OCA2: variants seen among roughly 807,000 people sequenced by gnomAD.
OCA2 encodes OCA2 melanosomal transmembrane protein.
Under a neutral mutation model 100.2 loss-of-function variants are expected in OCA2, and 77 were observed. That is an observed-to-expected ratio of 0.77 (90% CI 0.64 to 0.93). OCA2 has a LOEUF of 0.93. Ranked by LOEUF, OCA2 falls within the 40% of genes least tolerant of loss-of-function variation. The pLI is 0.00. For synonymous variants in OCA2, 432 were observed against 439.2 expected (o/e 0.98, Z 0.21); for missense variants, 1,062 against 1,089.1 (o/e 0.98, Z 0.35).
chr15:28,076,308 T>C (rs1454124003), intron 2 of OCA2, among the ~76,000 whole-genome samples: 1 of 152,248 alleles, frequency 6.6e-6, no homozygotes, highest in Non-Finnish European at 1.5e-5. Context: ...CCATGACAGA[T>C]GTAAACGCTG....
At chr15:27,918,443 T>C (rs1011242483) in intron 19 of OCA2, among the ~76,000 whole-genome samples, 2 of 152,164 alleles carry the variant, frequency 1.3e-5, no homozygotes, top group Non-Finnish European at 2.9e-5. Flanking sequence ...AATAAAAACA[T>C]GAAGGTTGGA....
chr15:27,823,172 G>GT (rs1260460318), intron 23 of OCA2, among the ~76,000 whole-genome samples: 2 of 152,210 alleles, frequency 1.3e-5, no homozygotes, highest in African/African-American at 4.8e-5. Context: ...ATACGTTTGA[G>GT]CCTGTTTCTG....
chr15:28,031,653 T>C (rs886372174), intron 3 of OCA2, among the ~76,000 whole-genome samples: 2 of 152,222 alleles, frequency 1.3e-5, no homozygotes, highest in Admixed American at 1.3e-4. Context: ...TTCTTTGTGG[T>C]GGGGGCTGTC....
intron 3 of OCA2, among the ~76,000 whole-genome samples, chr15:28,031,086 T>G (rs1475062330): frequency 6.6e-6 from 1 of 152,116 alleles, no homozygotes; most frequent in African/African-American, 2.4e-5. Flanking sequence ...TCTTTTAAAT[T>G]GGGGGAGGGG....
chr15:27,875,891 A>G (rs1389780737), intron 19 of OCA2, among the ~76,000 whole-genome samples: 1 of 152,068 alleles, frequency 6.6e-6, no homozygotes, highest in Non-Finnish European at 1.5e-5. Flanking sequence ...AAATTTATAT[A>G]TTAGTGCTGG....
intron 2 of OCA2, among the ~76,000 whole-genome samples, chr15:28,058,476 C>T (rs16950843): frequency 0.06 from 9,077 of 152,218 alleles, 886 homozygotes; most frequent in African/African-American, 0.21. Flanking sequence ...GCCCAGGGCA[C>T]GCTGGCCACC....
rs80219035 is a variant in OCA2, at chr15:27,843,437, C to T, written c.2432+1522G>A. Among the ~76,000 whole-genome samples the T allele has an allele frequency of 5.4e-4, 83 of 152,336 alleles. No individual in the cohort carries two copies. In the East Asian group the frequency reaches 0.015, roughly 28 times the overall value. ...GTGGTAGGCCACCCTGCAAAGGCCA[C>T]TGCTATATTTGCTGTAATCAATGCT... On this transcript the variant is annotated intron_variant, in intron 23 of 23. Transcript: ENST00000354638.
rs189826974 is a variant in OCA2, at chr15:27,816,122, A to G, written c.2432+28837T>C. ...GCACTCCAGCCTGGGCAACAAGAGC[A>G]CAACTCCATCTCAAAAAACAAAAAC... is the stretch of plus-strand genomic sequence containing the variant. On this transcript the variant is annotated intron_variant, in intron 23 of 23. Coordinates refer to ENST00000354638, the MANE Select transcript of OCA2 (RefSeq NM_000275.3). Among the ~76,000 whole-genome samples the G allele has an allele frequency of 2.4e-3, 365 of 152,350 alleles. 3 individuals are homozygous for G. The highest frequency in any genetic ancestry group is 8.6e-3 in the African/African-American group (358 of 41,582).
At chr15:27,954,121 A>ACC (rs1443356347) in intron 17 of OCA2, among the ~76,000 whole-genome samples, 1 of 24,088 alleles carries the variant, frequency 4.2e-5, no homozygotes, top group African/African-American at 7.0e-5. Flanking sequence ...TGGCATACAC[A>ACC]CACACACACA....
Position 27,824,602 on chromosome 15 carries a change from C to CTCTCTCTCTCTCTCTCTCTCTCTATA in OCA2, c.2432+20356_2432+20357insTATAGAGAGAGAGAGAGAGAGAGAGA. Among the ~76,000 whole-genome samples, 184 of 47,552 alleles carry CTCTCTCTCTCTCTCTCTCTCTCTATA rather than the reference C, an allele frequency of 3.9e-3. 2 individuals are homozygous for CTCTCTCTCTCTCTCTCTCTCTCTATA. Among genetic ancestry groups the CTCTCTCTCTCTCTCTCTCTCTCTATA allele is most frequent in the East Asian group, 0.037 (2 of 54 alleles). The allele number at this position is 47,552 out of a possible 152,430, so 31.2% of individuals were successfully genotyped here. A position where few individuals can be genotyped will look rare whatever the true frequency, so the allele number is the denominator to read the frequency against. The stretch of plus-strand genomic sequence containing the variant: ...TTTCTCTCTCTCTCTCTCTCTCTCT[C>CTCTCTCTCTCTCTCTCTCTCTCTATA]TATATATATATATATATATAATATA... On this transcript the variant is annotated intron_variant, in intron 23 of 23. Transcript: ENST00000354638.
chr15:27,747,388 G>A, the OCA2 span, among the ~76,000 whole-genome samples: 17 of 152,218 alleles, frequency 1.1e-4, no homozygotes, highest in Non-Finnish European at 1.5e-4. Context: ...GTAAGAAGCC[G>A]CTGAAAATTG....
At position 27,823,784 on chromosome 15, in the gene OCA2, T is replaced by C. The variant is rs558464037; in HGVS notation, c.2432+21175A>G. ...TTTGAAACTTTCAATAAATTAGTCA[T>C]GTAGCTGCAACAATAAAAATAAAAT... On this transcript the variant is annotated intron_variant, in intron 23 of 23. Transcript: ENST00000354638. 4.6e-5 allele frequency among the ~76,000 whole-genome samples: 7 copies of C among 152,332 alleles called. No homozygotes were observed. The South Asian group carries it at 1.5e-3, about 32-fold the overall frequency.
At chr15:27,824,602 C>CTCTCTCTCTCACTATATATATATA in intron 23 of OCA2, among the ~76,000 whole-genome samples, 1 of 47,610 alleles carries the variant, frequency 2.1e-5, no homozygotes, top group Non-Finnish European at 3.1e-5. Flanking sequence ...CTCTCTCTCT[C>CTCTCTCTCTCACTATATATATATA]TATATATATA....
chr15:27,745,587 C>A, the OCA2 span, among the ~76,000 whole-genome samples: 3 of 152,172 alleles, frequency 2.0e-5, no homozygotes, highest in Admixed American at 2.0e-4. Flanking sequence ...TTGAACACGT[C>A]TGACACTTTG....
At chr15:27,913,314 T>C (rs920513226) in intron 19 of OCA2, among the ~76,000 whole-genome samples, 1 of 151,870 alleles carries the variant, frequency 6.6e-6, no homozygotes, top group Admixed American at 6.6e-5. Context: ...ACGATATTTA[T>C]GTAAGCCCAA....
intron 19 of OCA2, among the ~76,000 whole-genome samples, chr15:27,877,592 A>G (rs1308278234): frequency 6.6e-6 from 1 of 151,942 alleles, no homozygotes; most frequent in Non-Finnish European, 1.5e-5. Context: ...CATTATGTGC[A>G]CTGAAGTTTA....
chr15:27,997,240 G>GGAAAGAAAGAAAGAAAGAAA (rs35919216), intron 9 of OCA2, among the ~76,000 whole-genome samples: 31 of 145,548 alleles, frequency 2.1e-4, no homozygotes, highest in African/African-American at 7.8e-4. Context: ...GAAGGAAGGA[G>GGAAAGAAAGAAAGAAAGAAA]GAAAGAAAGA....
At chr15:27,834,432 G>A (rs2035073013) in intron 23 of OCA2, among the ~76,000 whole-genome samples, 1 of 152,196 alleles carries the variant, frequency 6.6e-6, no homozygotes, top group Non-Finnish European at 1.5e-5. Flanking sequence ...AAAATAAGTA[G>A]TAAAGGTAGG....
chr15:27,725,192 A>G, the OCA2 span, among the ~76,000 whole-genome samples: 1 of 152,226 alleles, frequency 6.6e-6, no homozygotes, highest in African/African-American at 2.4e-5. Flanking sequence ...CCAACAGCTA[A>G]ACTTTTACTA....
Sources: gnomAD v4.1 joint callset for allele counts (sites outside exome capture counted in the v4.1 genomes callset) on GRCh38, gnomAD v4.1.1 for gene constraint, MANE v1.5 for transcripts, NCBI Gene and HGNC (gene_info 2026-07-23, HGNC 2026-07-21) for gene names.